The following DERL3 variants were observed in gnomAD, a reference collection of about 807,000 sequenced individuals.
DERL3 encodes derlin 3, also known as derlin-3.
Under a neutral mutation model 23.8 loss-of-function variants are expected in DERL3, and 20 were observed. The observed-to-expected ratio is 0.84, with a 90% CI of 0.59 to 1.22. The LOEUF (loss-of-function observed/expected upper bound fraction) is 1.22. DERL3 is among the 50% of genes most tolerant of loss of function. The pLI is 0.00. For missense variants in DERL3, 319 were observed against 304.1 expected (o/e 1.05, Z -0.36); for synonymous variants, 145 against 132.5 (o/e 1.09, Z -0.65).
Position 23,836,270 on chromosome 22 carries a change from C to T in DERL3, c.*599G>A, listed in dbSNP as rs2031038655. 2.0e-6 allele frequency: 2 copies of T among 985,356 alleles called. No individual in the cohort carries two copies. Among genetic ancestry groups the T allele is most frequent in the Admixed American group, 6.1e-5 (1 of 16,262 alleles). 61.0% of individuals were successfully genotyped at this position (985,356 alleles called of 1,614,324 possible). A position where few individuals can be genotyped will look rare whatever the true frequency, so the allele number is the denominator to read the frequency against. ...ACCTGAATCCATGGGGCTTTGGCAT[C>T]ACCAGATGAAAAATGAGGCATACGC... On this transcript the variant is annotated 3_prime_UTR_variant, in exon 7 of 7. Coordinates refer to ENST00000318109, the MANE Select transcript of DERL3 (RefSeq NM_001002862.3).
At chr22:23,838,220 G>T (rs1400576483) in intron 4 of DERL3, 132 bp downstream of exon 4, 1 of 1,549,482 alleles carries the variant, frequency 6.5e-7, no homozygotes. Context: ...CACAGAGTGG[G>T]CCCTCAACAC....
At position 23,838,983 on chromosome 22, in the gene DERL3, G is replaced by T. The variant is rs752370971; in HGVS notation, c.5C>A (p.Ala2Glu). Residue 2 changes from alanine (A) to glutamate (E), a missense_variant, in exon 1 of 7, where the codon GCG becomes GAG. Coordinates refer to ENST00000318109, the MANE Select transcript of DERL3 (RefSeq NM_001002862.3). M[A>E]WQGLAAEFLQ... is the part of the protein sequence containing the mutation. ...GAACTCGGCCGCTAGTCCCTGCCACGCCATTGAACCTTCTCAAGCACGCGT... is the reference window on the plus strand; with the variant it reads ...GAACTCGGCCGCTAGTCCCTGCCACTCCATTGAACCTTCTCAAGCACGCGT... 6.3e-7 allele frequency: 1 copy of T among 1,575,436 alleles called. No individual in the cohort carries two copies. Among genetic ancestry groups the T allele is most frequent in the Non-Finnish European group, 8.6e-7 (1 of 1,161,404 alleles).
intron 2 of DERL3, 23 bp downstream of exon 2, chr22:23,838,677 GGGCCCACAGGT>G: frequency 1.9e-6 from 1 of 520,704 alleles, no homozygotes; most frequent in Non-Finnish European, 3.6e-6. Context: ...TGGGTGGGTC[GGGCCCACAGGT>G]GCGCGGCGCG....
intron 4 of DERL3, chr22:23,838,078 T>A (rs745657087): frequency 3.2e-5 from 48 of 1,479,198 alleles, no homozygotes; most frequent in Non-Finnish European, 4.2e-5. Flanking sequence ...TGCCTGTCCC[T>A]GCCCCAGTTT....
At position 23,835,719 on chromosome 22, in the gene DERL3, C is replaced by G; in HGVS notation, c.*1150G>C. On this transcript the variant is annotated 3_prime_UTR_variant, in exon 7 of 7. Coordinates refer to ENST00000318109, the MANE Select transcript of DERL3 (RefSeq NM_001002862.3). ...AGGTTTCATTGCTGAGGTGTTTGTT[C>G]TGTCCATGAGGTAGGAACCTCGGCA... The G allele has an allele frequency of 1.0e-6, 1 of 985,498 alleles. No individual in the cohort carries two copies. The highest frequency in any genetic ancestry group is 1.2e-6 in the Non-Finnish European group (1 of 829,958). 61.0% of individuals were successfully genotyped at this position (985,498 alleles called of 1,614,324 possible).
At chr22:23,837,227 GC>G in intron 5 of DERL3, 73 bp from the exon 6 acceptor site, 1 of 1,561,514 alleles carries the variant, frequency 6.4e-7, no homozygotes, top group African/African-American at 1.4e-5. Flanking sequence ...CCTGCCCCAG[GC>G]CCCCATCCAC....
Position 23,838,453 on chromosome 22 carries a change from G to A in DERL3, c.234-8C>T, listed in dbSNP as rs1470438069. 2.7e-5 allele frequency: 43 copies of A among 1,596,532 alleles called. No individual in the cohort carries two copies. The highest frequency in any genetic ancestry group is 3.7e-5 in the Non-Finnish European group (43 of 1,171,504). On this transcript the variant is annotated splice_polypyrimidine_tract_variant and splice_region_variant and intron_variant, in intron 3 of 6. Coordinates refer to ENST00000318109, the MANE Select transcript of DERL3 (RefSeq NM_001002862.3). The stretch of plus-strand genomic sequence containing the variant: ...ATGCGGCAGTAGCGGAACCTACGGC[G>A]TCGGTATAGGAAGTGCCACCAGGCG...
Position 23,835,035 on chromosome 22 carries a change from G to T in DERL3, c.*1834C>A. 1 of 1,410,460 alleles carries T rather than the reference G, an allele frequency of 7.1e-7. No individual in the cohort carries two copies. 87.4% of individuals were successfully genotyped at this position (1,410,460 alleles called of 1,614,324 possible). On this transcript the variant is annotated 3_prime_UTR_variant, in exon 7 of 7. Coordinates refer to ENST00000318109, the MANE Select transcript of DERL3 (RefSeq NM_001002862.3). ...TGGCACCCATAGCCAGGTCAGCTGG[G>T]GCCCTTTCCCACCCCAGCAGGTGCT...
chr22:23,838,531 C>G (rs766579697), intron 3 of DERL3, 33 bp downstream of exon 3: 3 of 1,575,304 alleles, frequency 1.9e-6, no homozygotes, highest in Admixed American at 3.7e-5. Flanking sequence ...GGCCTGCCCT[C>G]CACCCAGCCC....
Position 23,838,552 on chromosome 22 carries a change from G to A in DERL3, c.233+12C>T, listed in dbSNP as rs2031299770. The A allele has an allele frequency of 6.3e-7, 1 of 1,582,090 alleles. No individual in the cohort carries two copies. Among genetic ancestry groups the A allele is most frequent in the South Asian group, 1.2e-5 (1 of 86,790 alleles). ...CCCTCCACCCAGCCCGTGTCCGCAG[G>A]GCGCAGGATACACGAAGAGCATGTT... is the stretch of plus-strand genomic sequence containing the variant. On this transcript the variant is annotated intron_variant, in intron 3 of 6. Coordinates refer to ENST00000318109, the MANE Select transcript of DERL3 (RefSeq NM_001002862.3).
chr22:23,838,772 A>G lies in DERL3; in HGVS notation c.98T>C (p.Leu33Pro), dbSNP rs781121689. 7.1e-6 allele frequency: 11 copies of G among 1,551,280 alleles called. No homozygotes were observed. The highest frequency in any genetic ancestry group is 2.7e-5 in the African/African-American group (2 of 73,046). The change falls in exon 2 of 7, where the codon CTG becomes CCG. Residue 33 changes from leucine (L) to proline (P), a missense_variant. Coordinates refer to ENST00000318109, the MANE Select transcript of DERL3 (RefSeq NM_001002862.3). Reference protein sequence around the residue: ...ACVLTTAAVQLELLSPFQLYF... With the variant: ...ACVLTTAAVQPELLSPFQLYF... ...GAGTTGAAAGGGGCTGAGGAGCTCC[A>G]GCTGCTGTGGAACCAGGGGCCAGTC... is the stretch of plus-strand genomic sequence containing the variant.
rs1260708040 is a variant in DERL3 at position 23,835,783 on chromosome 22, G to C, written c.*1086C>G. On this transcript the variant is annotated 3_prime_UTR_variant, in exon 7 of 7. Coordinates refer to ENST00000318109, the MANE Select transcript of DERL3 (RefSeq NM_001002862.3). Reference sequence around the variant, plus strand: ...GCAGCCCTGTGTCTCCACAACTGGGGGGATGGAAGGAACCTTGGCTGCCTC... The same window carrying C: ...GCAGCCCTGTGTCTCCACAACTGGGCGGATGGAAGGAACCTTGGCTGCCTC... 6.1e-6 allele frequency: 6 copies of C among 985,396 alleles called. No individual in the cohort carries two copies. 61.0% of individuals were successfully genotyped at this position (985,396 alleles called of 1,614,324 possible).
In DERL3 at chr22:23,837,644, T is replaced by C. The variant is rs1284399786; in HGVS notation, c.523+15A>G. 6 of 1,609,370 alleles carry C rather than the reference T, an allele frequency of 3.7e-6. No homozygotes were observed. Among genetic ancestry groups the C allele is most frequent in the Non-Finnish European group, 4.2e-6 (5 of 1,177,102 alleles). On this transcript the variant is annotated intron_variant, in intron 5 of 6. Transcript: ENST00000318109. ...TGGCCAGCCTGGGGCGGACTAGATG[T>C]ACCGGGAGGCTCACCCAGCAGGTCC... is the stretch of plus-strand genomic sequence containing the variant.
At chr22:23,837,531 G>GT in intron 5 of DERL3, 128 bp downstream of exon 5, 1 of 994,074 alleles carries the variant, frequency 1.0e-6, no homozygotes, top group Non-Finnish European at 1.5e-6. Flanking sequence ...GGGAGGGCAG[G>GT]AAGATGGGGA....
chr22:23,837,692 G>A lies in DERL3; in HGVS notation c.490C>T (p.Leu164=), dbSNP rs2146065259. 1 of 1,613,862 alleles carries A rather than the reference G, an allele frequency of 6.2e-7. No homozygotes were observed. Among genetic ancestry groups the A allele is most frequent in the African/African-American group, 1.3e-5 (1 of 75,066 alleles). The change falls in exon 5 of 7, where the codon CTG becomes TTG. Residue 164 remains leucine (L), a synonymous_variant. Coordinates refer to ENST00000318109, the MANE Select transcript of DERL3 (RefSeq NM_001002862.3). The part of the protein sequence containing the change: ...LPWALMGFSL[L]LGNSILVDLL... ...TCCACGAGGATGGAGTTGCCCAGCA[G>A]CAGCGAGAAGCCCATGAGCGCCCAA...
chr22:23,836,295 C>G lies in DERL3; in HGVS notation c.*574G>C. 2 of 985,502 alleles carry G rather than the reference C, an allele frequency of 2.0e-6. No homozygotes were observed. Among genetic ancestry groups the G allele is most frequent in the Non-Finnish European group, 1.2e-6 (1 of 829,952 alleles). The allele number at this position is 985,502 out of a possible 1,614,324, so 61.0% of individuals were successfully genotyped here. ...CACCAGATGAAAAATGAGGCATACG[C>G]CCACCTGTCAGGGTGGCTGATGAGA... On this transcript the variant is annotated 3_prime_UTR_variant, in exon 7 of 7. Coordinates refer to ENST00000318109, the MANE Select transcript of DERL3 (RefSeq NM_001002862.3).
At position 23,836,445 on chromosome 22, in the gene DERL3, C is replaced by T. The variant is rs527714153; in HGVS notation, c.*424G>A. On this transcript the variant is annotated 3_prime_UTR_variant, in exon 7 of 7. Coordinates refer to ENST00000318109, the MANE Select transcript of DERL3 (RefSeq NM_001002862.3). ...GCAGCCGAAATCTGGTGAACTTCCC[C>T]GCTGACTGGCAGGTAGCAGAGGCCT... 5 of 990,756 alleles carry T rather than the reference C, an allele frequency of 5.0e-6. No individual in the cohort carries two copies. The highest frequency in any genetic ancestry group is 6.1e-5 in the Admixed American group (1 of 16,420). 61.4% of individuals were successfully genotyped at this position (990,756 alleles called of 1,614,324 possible).
rs1325971819 is a variant in DERL3 at position 23,835,659 on chromosome 22, G to C, written c.*1210C>G. On this transcript the variant is annotated 3_prime_UTR_variant, in exon 7 of 7. Transcript: ENST00000318109. ...TTACTGGAAGGCCTTGAACAAAGGG[G>C]AAGATTCCCAGCCCAGCTGCTCTTA... The C allele has an allele frequency of 6.1e-6, 6 of 985,426 alleles. No individual in the cohort carries two copies. In the South Asian group the frequency reaches 1.4e-4, roughly 23 times the overall value. The allele number at this position is 985,426 out of a possible 1,614,324, so 61.0% of individuals were successfully genotyped here. A position where few individuals can be genotyped will look rare whatever the true frequency, so the allele number is the denominator to read the frequency against.
At position 23,836,683 on chromosome 22, in the gene DERL3, G is replaced by A; in HGVS notation, c.*186C>T. ...ACTGAGTGAGGACGGGGCAGGCATA[G>A]AAGGATGTGGCCAGGTGAGATGGGG... is the stretch of plus-strand genomic sequence containing the variant. On this transcript the variant is annotated 3_prime_UTR_variant, in exon 7 of 7. Transcript: ENST00000318109. 7.7e-7 allele frequency: 1 copy of A among 1,303,452 alleles called. No individual in the cohort carries two copies. The highest frequency in any genetic ancestry group is 2.7e-5 in the South Asian group (1 of 37,716). 80.7% of individuals were successfully genotyped at this position (1,303,452 alleles called of 1,614,324 possible).
Sources: gnomAD v4.1 joint callset for allele counts on GRCh38, gnomAD v4.1.1 for gene constraint, MANE v1.5 for transcripts, NCBI Gene and HGNC (gene_info 2026-07-23, HGNC 2026-07-21) for gene names.